PXK: variants seen among roughly 807,000 people sequenced by gnomAD.
PXK encodes the protein PX domain-containing protein kinase-like protein.
PXK carries 35 observed loss-of-function variants against 84.7 expected under a neutral mutation model. The observed-to-expected ratio is 0.41, with a 90% CI of 0.32 to 0.55. The LOEUF (loss-of-function observed/expected upper bound fraction) is 0.55. PXK is among the 20% of genes least tolerant of loss of function. PXK has a pLI of 0.21. For missense variants in PXK, 634 were observed against 699.7 expected (o/e 0.91, Z 1.06); for synonymous variants, 253 against 260.8 (o/e 0.97, Z 0.29).
At chr3:58,422,817 TG>T (rs2062123964) in intron 17 of PXK, 2 of 985,314 alleles carry the variant, frequency 2.0e-6, no homozygotes, top group Non-Finnish European at 2.4e-6. Flanking sequence ...AGATGGCCAG[TG>T]CTGAGCCTTT....
chr3:58,412,125 C>G lies in PXK; in HGVS notation c.1466-776C>G, dbSNP rs1356452070. On this transcript the variant is annotated intron_variant, in intron 16 of 17. Transcript: ENST00000356151. The surrounding 1 kb of genome is among the most constrained non-coding windows in gnomAD (Gnocchi z 6.2). ...GACTAGGGAGATTTGGTTAACCTCT[C>G]CATAGGATCTCTATGTGTGGGAGGG... is the stretch of plus-strand genomic sequence containing the variant. Among the ~76,000 whole-genome samples the G allele has an allele frequency of 6.6e-6, 1 of 152,058 alleles. No individual in the cohort carries two copies. The highest frequency in any genetic ancestry group is 1.5e-5 in the Non-Finnish European group (1 of 68,016).
At position 58,411,563 on chromosome 3, in the gene PXK, G is replaced by T. The variant is rs954432636; in HGVS notation, c.1466-1338G>T. Among the ~76,000 whole-genome samples the T allele has an allele frequency of 9.9e-5, 15 of 152,132 alleles. No individual in the cohort carries two copies. The East Asian group carries it at 2.9e-3, about 29-fold the overall frequency. On this transcript the variant is annotated intron_variant, in intron 16 of 17. Coordinates refer to ENST00000356151, the MANE Select transcript of PXK (RefSeq NM_017771.5). This position sits in a 1 kb window ranked among gnomAD's most constrained non-coding sequence, Gnocchi z 4.2. ...CATGATTCCAACCAGCAGTCATTCTGTCCAGTAGCTAATTTTTTATAGAGC... is the reference window on the plus strand; with the variant it reads ...CATGATTCCAACCAGCAGTCATTCTTTCCAGTAGCTAATTTTTTATAGAGC...
At chr3:58,365,838 T>C (rs1227704007) in intron 1 of PXK, 36 bp from the exon 2 acceptor site, 1 of 1,463,342 alleles carries the variant, frequency 6.8e-7, no homozygotes, top group Admixed American at 2.4e-5. Flanking sequence ...AAACTCAGTT[T>C]TATAACTGAG....
rs202162759 is a variant in PXK at position 58,380,734 on chromosome 3, C to T, written c.202-1780C>T. Among the ~76,000 whole-genome samples, 17 of 152,012 alleles carry T rather than the reference C, an allele frequency of 1.1e-4. No homozygotes were observed. In the East Asian group the frequency reaches 2.7e-3, roughly 24 times the overall value. On this transcript the variant is annotated intron_variant, in intron 3 of 17. Coordinates refer to ENST00000356151, the MANE Select transcript of PXK (RefSeq NM_017771.5). Reference sequence around the variant, plus strand: ...CTGAGGCAGGAGAACTGCTTGAACCCGGGAGGCGGAGTTTGCTGCACTCCA... The same window carrying T: ...CTGAGGCAGGAGAACTGCTTGAACCTGGGAGGCGGAGTTTGCTGCACTCCA...
At position 58,333,461 on chromosome 3, in the gene PXK, C is replaced by A. The variant is rs2097532504; in HGVS notation, c.102+371C>A. Reference sequence around the variant, plus strand: ...CCGCTCAGGACCATCCACTTCTGCCCGCCGCCAGCCTTTTCCTTTTTGAGG... The same window carrying A: ...CCGCTCAGGACCATCCACTTCTGCCAGCCGCCAGCCTTTTCCTTTTTGAGG... On this transcript the variant is annotated intron_variant, in intron 1 of 17. Transcript: ENST00000356151. The surrounding 1 kb of genome is among the most constrained non-coding windows in gnomAD (Gnocchi z 5.4). The A allele has an allele frequency of 2.2e-6, 1 of 447,152 alleles. No individual in the cohort carries two copies. Among genetic ancestry groups the A allele is most frequent in the South Asian group, 1.6e-5 (1 of 63,294 alleles). The allele number at this position is 447,152 out of a possible 1,614,324, so 27.7% of individuals were successfully genotyped here.
chr3:58,389,686 A>T (rs2098603560), intron 4 of PXK, among the ~76,000 whole-genome samples: 2 of 151,450 alleles, frequency 1.3e-5, no homozygotes, highest in African/African-American at 4.9e-5. Flanking sequence ...ACAAAAAAAA[A>T]AACCACACGC....
At chr3:58,384,503 G>A (rs1402079422) in intron 4 of PXK, among the ~76,000 whole-genome samples, 2 of 151,954 alleles carry the variant, frequency 1.3e-5, no homozygotes, top group Non-Finnish European at 2.9e-5. Context: ...TTTGTTCACG[G>A]AAGAGAAAAG....
intron 1 of PXK, among the ~76,000 whole-genome samples, chr3:58,352,360 C>G (rs1559890704): frequency 6.6e-6 from 1 of 152,182 alleles, no homozygotes; most frequent in Non-Finnish European, 1.5e-5. Context: ...ACCTCAGATA[C>G]CAGAGCCCAA....
intron 1 of PXK, among the ~76,000 whole-genome samples, chr3:58,354,448 GTT>G (rs1201406097): frequency 3.5e-5 from 5 of 143,252 alleles, no homozygotes; most frequent in Non-Finnish European, 6.1e-5. Flanking sequence ...CTGCTTCCTA[GTT>G]TTTTTTTTTT....
intron 7 of PXK, among the ~76,000 whole-genome samples, 184 bp downstream of exon 7, chr3:58,392,031 C>G (rs2098636662): frequency 6.6e-6 from 1 of 152,160 alleles, no homozygotes; most frequent in Non-Finnish European, 1.5e-5. Flanking sequence ...TTCATGACAT[C>G]TGCACAACCC....
At chr3:58,422,159 A>G in intron 17 of PXK, 1 of 985,390 alleles carries the variant, frequency 1.0e-6, no homozygotes, top group Non-Finnish European at 1.2e-6. Context: ...GGACCATGGA[A>G]AGGGCCAAAA....
chr3:58,421,546 C>A lies in PXK; in HGVS notation c.1529-3206C>A. The A allele has an allele frequency of 1.0e-6, 1 of 966,398 alleles. No homozygotes were observed. Among genetic ancestry groups the A allele is most frequent in the Non-Finnish European group, 1.2e-6 (1 of 810,642 alleles). 59.9% of individuals were successfully genotyped at this position (966,398 alleles called of 1,614,324 possible). A position where few individuals can be genotyped will look rare whatever the true frequency, so the allele number is the denominator to read the frequency against. On this transcript the variant is annotated intron_variant, in intron 17 of 17. Coordinates refer to ENST00000356151, the MANE Select transcript of PXK (RefSeq NM_017771.5). This position sits in a 1 kb window ranked among gnomAD's most constrained non-coding sequence, Gnocchi z 5.5. ...AGTGAGCCGAGATCGCGCCACTGCA[C>A]TCCAGCCTGGGCAACAGAGCGAGAC...
In PXK at chr3:58,364,934, C is replaced by A. The variant is rs551407594; in HGVS notation, c.103-940C>A. On this transcript the variant is annotated intron_variant, in intron 1 of 17. Transcript: ENST00000356151. The surrounding 1 kb of genome is among the most constrained non-coding windows in gnomAD (Gnocchi z 4.3). ...ATACATGTCTTATCTTTATTTTGTCCATTTTTGTCAATTTTATTGGTCTTT... is the reference window on the plus strand; with the variant it reads ...ATACATGTCTTATCTTTATTTTGTCAATTTTTGTCAATTTTATTGGTCTTT... Among the ~76,000 whole-genome samples the A allele has an allele frequency of 2.1e-4, 32 of 151,984 alleles. No individual in the cohort carries two copies. The highest frequency in any genetic ancestry group is 7.7e-4 in the African/African-American group (32 of 41,476).
At chr3:58,402,632 T>C (rs1232059025) in intron 12 of PXK, among the ~76,000 whole-genome samples, 5 of 151,662 alleles carry the variant, frequency 3.3e-5, no homozygotes, top group Non-Finnish European at 7.4e-5. Context: ...GTTTTCACCA[T>C]GTTGGCCAGG....
In PXK at chr3:58,424,956, G is replaced by A. The variant is rs765552586; in HGVS notation, c.1733G>A (p.Gly578Asp). The A allele has an allele frequency of 1.5e-5, 25 of 1,613,908 alleles. 1 individual carries two copies. Among genetic ancestry groups the A allele is most frequent in the Non-Finnish European group, 2.0e-5 (24 of 1,180,042 alleles). ...KTCDHSAPKI[G>D] ...TGTGATCACAGTGCTCCGAAGATCG[G>A]CTGAAGCTTCCTGTTTACACTTGGA... Residue 578 changes from glycine (G) to aspartate (D), a missense_variant, in exon 18 of 18, where the codon GGC becomes GAC. By Grantham distance (94) the Gly-to-Asp change is moderately conservative (BLOSUM62 -1). Around this residue, in one of 3 missense-constraint regions of PXK, gnomAD observed 273 missense variants for 283.6 expected, o/e 0.96. Coordinates refer to ENST00000356151, the MANE Select transcript of PXK (RefSeq NM_017771.5).
intron 1 of PXK, among the ~76,000 whole-genome samples, chr3:58,363,831 G>A (rs945119079): frequency 6.6e-6 from 1 of 152,166 alleles, no homozygotes; most frequent in Non-Finnish European, 1.5e-5. Context: ...GATCTTAGGG[G>A]AAAATACTGA....
chr3:58,419,569 G>A (rs1459182553), intron 17 of PXK, among the ~76,000 whole-genome samples: 1 of 152,212 alleles, frequency 6.6e-6, no homozygotes, highest in Non-Finnish European at 1.5e-5. Flanking sequence ...TTTCTTTATG[G>A]ACAGTTTTTA....
At position 58,421,572 on chromosome 3, in the gene PXK, T is replaced by TC. The variant is rs1259854448; in HGVS notation, c.1529-3178dup. ...TCCAGCCTGGGCAACAGAGCGAGAC[T>TC]CCATCTCAGAAAAAAAGGAACTGGA... On this transcript the variant is annotated intron_variant, in intron 17 of 17. Transcript: ENST00000356151. This position sits in a 1 kb window ranked among gnomAD's most constrained non-coding sequence, Gnocchi z 5.5. 4 of 984,514 alleles carry TC rather than the reference T, an allele frequency of 4.1e-6. No individual in the cohort carries two copies. Among genetic ancestry groups the TC allele is most frequent in the Admixed American group, 1.2e-4 (2 of 16,260 alleles). 61.0% of individuals were successfully genotyped at this position (984,514 alleles called of 1,614,324 possible).
At chr3:58,391,884 G>A (rs781374886) in intron 7 of PXK, 37 bp downstream of exon 7, 1 of 1,539,134 alleles carries the variant, frequency 6.5e-7, no homozygotes, top group Non-Finnish European at 9.0e-7. Flanking sequence ...CAGTGCTGAT[G>A]ATAGAGTCAC....
Sources: allele counts gnomAD v4.1 joint callset (sites outside exome capture counted in the v4.1 genomes callset), GRCh38; gene constraint gnomAD v4.1.1; regional missense constraint gnomAD v4.1.1; non-coding constraint Gnocchi (gnomAD v3.1); transcripts MANE v1.5; gene names NCBI Gene and HGNC (gene_info 2026-07-23, HGNC 2026-07-21).